FLRT3: variants seen among roughly 807,000 people sequenced by gnomAD.
FLRT3 encodes the protein leucine-rich repeat transmembrane protein FLRT3.
FLRT3 carries 17 observed loss-of-function variants against 42.6 expected under a neutral mutation model. That is an observed-to-expected ratio of 0.40 (90% confidence interval 0.27 to 0.60). The LOEUF is 0.60. Ranked by LOEUF, FLRT3 falls within the 20% of genes least tolerant of loss-of-function variation. The probability of loss-of-function intolerance (pLI) is 0.44; values close to 1 mark genes in which losing one functional copy is unlikely to be tolerated. For missense variants in FLRT3, 635 were observed against 789.2 expected, an observed-to-expected ratio of 0.80 and a Z score of 2.34; for synonymous variants, 279 against 286.4, an observed-to-expected ratio of 0.97 and a Z score of 0.26.
intron 1 of FLRT3, among the ~76,000 whole-genome samples, chr20:14,329,782 G>C (rs759763211): frequency 2.6e-5 from 4 of 152,032 alleles, no homozygotes; most frequent in South Asian, 2.1e-4. Flanking sequence ...CCACAATTTA[G>C]AGTTGAAAAG....
intron 2 of FLRT3, among the ~76,000 whole-genome samples, chr20:14,328,531 T>G (rs2082775886): frequency 6.6e-6 from 1 of 152,154 alleles, no homozygotes. Context: ...AAGTATTAAT[T>G]AGCCTTTGTA....
rs2082718926 is a variant in FLRT3 at position 14,325,535 on chromosome 20, G to GT, written c.*21dup. 1 of 1,585,808 alleles carries GT rather than the reference G, an allele frequency of 6.3e-7. No individual in the cohort carries two copies. Among genetic ancestry groups the GT allele is most frequent in the Non-Finnish European group, 8.6e-7 (1 of 1,165,594 alleles). On this transcript the variant is annotated 3_prime_UTR_variant, in exon 3 of 3. Transcript: ENST00000341420. The stretch of plus-strand genomic sequence containing the variant: ...TAGGTTTAAAAAACCCAAAACACAA[G>GT]TCTGCTGTGAGTCCTTCAGCATCAT...
chr20:14,327,024 C>T lies in FLRT3; in HGVS notation c.483G>A (p.Leu161=). The change falls in exon 3 of 3, where the codon CTG becomes CTA. Residue 161 remains leucine, a synonymous_variant. Coordinates refer to ENST00000341420, the MANE Select transcript of FLRT3 (RefSeq NM_198391.3). ...RDSNYLRLLF[L]SRNHLSTIPW... ...GAATTGTGCTAAGGTGATTACGGGACAGGAAAAGCAGTCGGAGATAGTTGC... is the reference window on the plus strand; with the variant it reads ...GAATTGTGCTAAGGTGATTACGGGATAGGAAAAGCAGTCGGAGATAGTTGC... 6.2e-7 allele frequency: 1 copy of T among 1,613,664 alleles called. No homozygotes were observed. Among genetic ancestry groups the T allele is most frequent in the Non-Finnish European group, 8.5e-7 (1 of 1,179,732 alleles).
In FLRT3 at chr20:14,327,052, T is replaced by C. The variant is rs1271317208; in HGVS notation, c.455A>G (p.Asp152Gly). ...GAAAAGCAGTCGGAGATAGTTGCTG[T>C]CTCGGAATGCTCCCTCTTCTATGCT... Reference protein sequence around the residue: ...AVSIEEGAFRDSNYLRLLFLS... With the variant: ...AVSIEEGAFRGSNYLRLLFLS... The change falls in exon 3 of 3, where the codon GAC (aspartate) becomes GGC (glycine). Residue 152 changes from aspartate (D) to glycine (G), a missense_variant. Physicochemically the swap from Asp to Gly is moderately conservative, Grantham distance 94. Transcript: ENST00000341420. 3 of 1,613,646 alleles carry C rather than the reference T, an allele frequency of 1.9e-6. No individual in the cohort carries two copies. Among genetic ancestry groups the C allele is most frequent in the Admixed American group, 1.7e-5 (1 of 59,962 alleles).
intron 1 of FLRT3, among the ~76,000 whole-genome samples, chr20:14,336,043 TC>T (rs749210694): frequency 6.1e-4 from 93 of 152,290 alleles, no homozygotes; most frequent in African/African-American, 2.1e-3. Context: ...TGAATATTAG[TC>T]ATCTGTCACT....
chr20:14,331,589 G>T (rs551929117), intron 1 of FLRT3, among the ~76,000 whole-genome samples: 1 of 152,068 alleles, frequency 6.6e-6, no homozygotes, highest in East Asian at 1.9e-4. Flanking sequence ...TGAAGATTAC[G>T]TTCAGAGCTA....
At chr20:14,331,264 G>A (rs1476459853) in intron 1 of FLRT3, among the ~76,000 whole-genome samples, 1 of 152,000 alleles carries the variant, frequency 6.6e-6, no homozygotes, top group Non-Finnish European at 1.5e-5. Context: ...ACCAAATAAG[G>A]CTCTAACAAT....
rs559253254 is a variant in FLRT3 at position 14,324,403 on chromosome 20, A to T, written c.*1154T>A. On this transcript the variant is annotated 3_prime_UTR_variant, in exon 3 of 3. Coordinates refer to ENST00000341420, the MANE Select transcript of FLRT3 (RefSeq NM_198391.3). The stretch of plus-strand genomic sequence containing the variant: ...TTACATTACGAGTTCATTATATAAT[A>T]TCTGGAAAATTGTGACAGTAATGGG... 6.5e-6 allele frequency: 1 copy of T among 152,722 alleles called. No homozygotes were observed. The highest frequency in any genetic ancestry group is 2.4e-5 in the African/African-American group (1 of 41,570). 9.5% of individuals were successfully genotyped at this position (152,722 alleles called of 1,614,324 possible). A position where few individuals can be genotyped will look rare whatever the true frequency, so the allele number is the denominator to read the frequency against.
chr20:14,332,535 G>T (rs2082864323), intron 1 of FLRT3, among the ~76,000 whole-genome samples: 1 of 152,052 alleles, frequency 6.6e-6, no homozygotes, highest in Non-Finnish European at 1.5e-5. Context: ...GATTTAAATT[G>T]ATTTTGATTT....
In FLRT3 at chr20:14,325,428, G is replaced by T; in HGVS notation, c.*129C>A. The T allele has an allele frequency of 2.2e-6, 2 of 906,642 alleles. No individual in the cohort carries two copies. The highest frequency in any genetic ancestry group is 1.6e-6 in the Non-Finnish European group (1 of 624,152). 56.2% of individuals were successfully genotyped at this position (906,642 alleles called of 1,614,324 possible). ...AAAGTTCTTAAATATAAATTATATGGCAAATGTACAGTACATTGCTTTTTT... is the reference window on the plus strand; with the variant it reads ...AAAGTTCTTAAATATAAATTATATGTCAAATGTACAGTACATTGCTTTTTT... On this transcript the variant is annotated 3_prime_UTR_variant, in exon 3 of 3. Coordinates refer to ENST00000341420, the MANE Select transcript of FLRT3 (RefSeq NM_198391.3).
intron 2 of FLRT3, chr20:14,328,923 A>C (rs892918764): frequency 6.6e-6 from 1 of 151,852 alleles, no homozygotes; most frequent in Non-Finnish European, 1.5e-5. Flanking sequence ...TAATTCCCTT[A>C]GTGGAAATTG....
chr20:14,330,299 G>T (rs113819983), intron 1 of FLRT3, among the ~76,000 whole-genome samples: 4 of 151,970 alleles, frequency 2.6e-5, no homozygotes, highest in African/African-American at 9.7e-5. Flanking sequence ...TAGAGGAGGT[G>T]AGTAATATTC....
chr20:14,326,647 G>C lies in FLRT3; in HGVS notation c.860C>G (p.Pro287Arg), dbSNP rs2082740185. 6.2e-7 allele frequency: 1 copy of C among 1,613,758 alleles called. No individual in the cohort carries two copies. Among genetic ancestry groups the C allele is most frequent in the Non-Finnish European group, 8.5e-7 (1 of 1,179,814 alleles). ...DMSNNNLSNL[P>R]QGIFDDLDNI... Reference sequence around the variant, plus strand: ...GTCCAAATCATCAAAGATACCCTGAGGTAAATTACTTAGGTTATTATTGGA... The same window carrying C: ...GTCCAAATCATCAAAGATACCCTGACGTAAATTACTTAGGTTATTATTGGA... The change falls in exon 3 of 3, where the codon CCT becomes CGT. Residue 287 changes from proline (P) to arginine (R), a missense_variant. Transcript: ENST00000341420. The surrounding 1 kb of genome is among the most constrained non-coding windows in gnomAD (Gnocchi z 5.5).
chr20:14,329,359 A>C (rs2082792869), intron 1 of FLRT3, 32 bp from the exon 2 acceptor site: 1 of 152,134 alleles, frequency 6.6e-6, no homozygotes. Flanking sequence ...ATGAACTATT[A>C]ATAATGAACT....
chr20:14,334,641 G>GCCT (rs1160167511), intron 1 of FLRT3, among the ~76,000 whole-genome samples: 1 of 140,706 alleles, frequency 7.1e-6, no homozygotes, highest in Non-Finnish European at 1.5e-5. Context: ...AACAGTGAAG[G>GCCT]CCTCTGGGGC....
intron 2 of FLRT3, among the ~76,000 whole-genome samples, chr20:14,327,797 T>C (rs1269790363): frequency 6.6e-6 from 1 of 152,068 alleles, no homozygotes; most frequent in Non-Finnish European, 1.5e-5. Flanking sequence ...CTAAATCCAT[T>C]TGATTTTGAA....
rs1321701508 is a variant in FLRT3, at chr20:14,324,426, G to C, written c.*1131C>G. On this transcript the variant is annotated 3_prime_UTR_variant, in exon 3 of 3. Transcript: ENST00000341420. ...ATATCTGGAAAATTGTGACAGTAAT[G>C]GGCAGTATTCTTGATCTTTGTAAAA... 1 of 152,470 alleles carries C rather than the reference G, an allele frequency of 6.6e-6. No homozygotes were observed. Among genetic ancestry groups the C allele is most frequent in the Non-Finnish European group, 1.5e-5 (1 of 67,982 alleles). The allele number at this position is 152,470 out of a possible 1,614,324, so 9.4% of individuals were successfully genotyped here.
intron 1 of FLRT3, among the ~76,000 whole-genome samples, chr20:14,336,186 C>G (rs948807342): frequency 6.6e-6 from 1 of 151,872 alleles, no homozygotes; most frequent in African/African-American, 2.4e-5. Context: ...TTTCTAGTGG[C>G]TTTATTTATG....
At chr20:14,328,437 A>G (rs2122590111) in intron 2 of FLRT3, among the ~76,000 whole-genome samples, 1 of 152,166 alleles carries the variant, frequency 6.6e-6, no homozygotes, top group East Asian at 1.9e-4. Context: ...ATTCTAACCT[A>G]GAACATAAAT....
Sources: gnomAD v4.1 joint callset for allele counts (sites outside exome capture counted in the v4.1 genomes callset) on GRCh38, gnomAD v4.1.1 for gene constraint, Gnocchi (gnomAD v3.1) non-coding constraint, MANE v1.5 for transcripts, NCBI Gene and HGNC (gene_info 2026-07-23, HGNC 2026-07-21) for gene names.